RFT1: variants seen among roughly 807,000 people sequenced by gnomAD.
The protein encoded by RFT1 is man(5)GlcNAc(2)-PP-dolichol translocation protein RFT1.
RFT1 carries 43 observed loss-of-function variants against 62.2 expected under a neutral mutation model. That is an observed-to-expected ratio of 0.69 (90% CI 0.54 to 0.89). The LOEUF (loss-of-function observed/expected upper bound fraction) is 0.89, where lower values mean the gene tolerates loss of function less well. RFT1 is among the 40% of genes least tolerant of loss of function. RFT1 has a pLI of 0.00. For synonymous variants in RFT1, 262 were observed against 264.6 expected, an observed-to-expected ratio of 0.99 and a Z score of 0.10; for missense variants, 605 against 649.9, an observed-to-expected ratio of 0.93 and a Z score of 0.75.
the RFT1 span, among the ~76,000 whole-genome samples, chr3:53,082,029 G>A: frequency 6.6e-6 from 1 of 152,208 alleles, no homozygotes; most frequent in South Asian, 2.1e-4. Context: ...TTGCAGCCTC[G>A]ACTTCCCGGG....
At chr3:53,117,335 G>A (rs1440084875) in intron 6 of RFT1, among the ~76,000 whole-genome samples, 1 of 152,158 alleles carries the variant, frequency 6.6e-6, no homozygotes, top group Non-Finnish European at 1.5e-5. Context: ...GGTCACGTAG[G>A]CCAACAATCT....
chr3:53,115,824 C>T (rs971041045), intron 6 of RFT1, among the ~76,000 whole-genome samples: 6 of 152,240 alleles, frequency 3.9e-5, no homozygotes, highest in Admixed American at 6.5e-5. Flanking sequence ...ATTTTGATAA[C>T]GCTAGACACA....
intron 11 of RFT1, among the ~76,000 whole-genome samples, chr3:53,096,733 A>T (rs1309069242): frequency 1.3e-5 from 2 of 152,056 alleles, no homozygotes; most frequent in Non-Finnish European, 2.9e-5. Context: ...TTCATATACA[A>T]CCAAATGCTC....
intron 3 of RFT1, among the ~76,000 whole-genome samples, chr3:53,123,021 A>G (rs1702013854): frequency 6.6e-6 from 1 of 152,228 alleles, no homozygotes; most frequent in African/African-American, 2.4e-5. Flanking sequence ...ATCCTTTCGC[A>G]TGTTTCACAT....
chr3:53,093,610 G>A (rs972742703), intron 11 of RFT1, among the ~76,000 whole-genome samples: 3 of 152,126 alleles, frequency 2.0e-5, no homozygotes, highest in African/African-American at 4.8e-5. Context: ...ATGAGGGGTC[G>A]TCAGAAAGCA....
chr3:53,105,058 A>G (rs1238831687), intron 9 of RFT1, among the ~76,000 whole-genome samples: 1 of 152,252 alleles, frequency 6.6e-6, no homozygotes, highest in East Asian at 1.9e-4. Context: ...AGACTAGCCC[A>G]TGGCTGGGCA....
chr3:53,108,901 T>A (rs1701569228), intron 7 of RFT1, among the ~76,000 whole-genome samples: 3 of 149,578 alleles, frequency 2.0e-5, no homozygotes, highest in Admixed American at 1.3e-4. Flanking sequence ...ATTCCTTACC[T>A]CAGATGATCC....
At chr3:53,095,074 T>A (rs1023684381) in intron 11 of RFT1, among the ~76,000 whole-genome samples, 5 of 150,122 alleles carry the variant, frequency 3.3e-5, no homozygotes, top group African/African-American at 1.3e-4. Flanking sequence ...GAGACCGTCC[T>A]GGCCAACATG....
chr3:53,095,088 A>T (rs1039762153), intron 11 of RFT1, among the ~76,000 whole-genome samples: 2 of 150,260 alleles, frequency 1.3e-5, no homozygotes, highest in African/African-American at 5.0e-5. Context: ...CAACATGGTG[A>T]AACCCTGTCT....
chr3:53,127,853 T>G (rs888163753), intron 1 of RFT1, among the ~76,000 whole-genome samples: 5 of 152,194 alleles, frequency 3.3e-5, no homozygotes, highest in African/African-American at 1.2e-4. Context: ...ATTAATACTT[T>G]CAGCATAGGT....
At chr3:53,072,195 C>T in the RFT1 span, among the ~76,000 whole-genome samples, 3 of 152,156 alleles carry the variant, frequency 2.0e-5, no homozygotes, top group East Asian at 5.8e-4. Flanking sequence ...ACACTCATGT[C>T]AGCGAGGTCA....
the RFT1 span, among the ~76,000 whole-genome samples, chr3:53,072,079 G>C: frequency 8.5e-5 from 13 of 152,330 alleles, no homozygotes; most frequent in African/African-American, 2.9e-4. Context: ...TGCTCCTGGC[G>C]TCACTGTTGG....
Position 53,121,689 on chromosome 3 carries a change from T to G in RFT1, c.558+10A>C, listed in dbSNP as rs780500145. 1 of 1,604,362 alleles carries G rather than the reference T, an allele frequency of 6.2e-7. No homozygotes were observed. Among genetic ancestry groups the G allele is most frequent in the South Asian group, 1.1e-5 (1 of 90,646 alleles). ...AGATCATATAAAAAGTTAAAAGCCATGATTCTTACCTGGGCCAAAGAGAAA... is the reference window on the plus strand; with the variant it reads ...AGATCATATAAAAAGTTAAAAGCCAGGATTCTTACCTGGGCCAAAGAGAAA... On this transcript the variant is annotated intron_variant, in intron 5 of 12. Coordinates refer to ENST00000296292, the MANE Select transcript of RFT1 (RefSeq NM_052859.4).
chr3:53,070,393 G>GGTTTTTTTTT, the RFT1 span, among the ~76,000 whole-genome samples: 3 of 85,448 alleles, frequency 3.5e-5, 1 homozygote, highest in Non-Finnish European at 6.8e-5. Context: ...CTGTATTATG[G>GGTTTTTTTTT]TTTTTTTTTT....
At chr3:53,117,743 A>G (rs772563584) in intron 6 of RFT1, among the ~76,000 whole-genome samples, 23 of 152,274 alleles carry the variant, frequency 1.5e-4, no homozygotes, top group Non-Finnish European at 2.6e-4. Flanking sequence ...ACTTAAGGAT[A>G]CCCACTTGTG....
intron 6 of RFT1, among the ~76,000 whole-genome samples, chr3:53,115,161 A>G (rs1292603101): frequency 6.6e-6 from 1 of 152,128 alleles, no homozygotes; most frequent in Non-Finnish European, 1.5e-5. Flanking sequence ...TCTCTAGCCT[A>G]TCCTTCTCAT....
intron 6 of RFT1, among the ~76,000 whole-genome samples, chr3:53,118,052 G>C (rs1403678129): frequency 6.6e-6 from 1 of 152,142 alleles, no homozygotes; most frequent in Admixed American, 6.5e-5. Context: ...ACTATACCCA[G>C]CTAATTAAAA....
chr3:53,095,512 G>C (rs189133704), intron 11 of RFT1, among the ~76,000 whole-genome samples: 40 of 152,160 alleles, frequency 2.6e-4, no homozygotes, highest in African/African-American at 8.9e-4. Context: ...AGGAGTTGGA[G>C]ACCAGCCTGG....
At chr3:53,076,745 G>A in the RFT1 span, among the ~76,000 whole-genome samples, 6 of 152,202 alleles carry the variant, frequency 3.9e-5, no homozygotes, top group South Asian at 1.2e-3. Context: ...GAGGCCAGGA[G>A]TTCAAGACCA....
Sources: allele counts gnomAD v4.1 joint callset (sites outside exome capture counted in the v4.1 genomes callset), GRCh38; gene constraint gnomAD v4.1.1; transcripts MANE v1.5; gene names NCBI Gene and HGNC (gene_info 2026-07-23, HGNC 2026-07-21).